The following FAM168A variants were observed in gnomAD, a reference collection of about 807,000 sequenced individuals.
FAM168A encodes family with sequence similarity 168 member A, also known as protein FAM168A.
FAM168A carries 3 observed loss-of-function variants against 28.5 expected under a neutral mutation model. The ratio of observed to expected loss-of-function variants is 0.11; its 90% confidence interval spans 0.05 to 0.27. The LOEUF is 0.27. FAM168A is among the 10% of genes least tolerant of loss of function. FAM168A has a pLI of 1.00. For missense variants in FAM168A, 222 were observed against 311.5 expected (o/e 0.71, Z 2.16); for synonymous variants, 122 against 124.2 (o/e 0.98, Z 0.12).
chr11:73,448,215 T>C (rs946320781), intron 2 of FAM168A, among the ~76,000 whole-genome samples: 7 of 151,786 alleles, frequency 4.6e-5, no homozygotes, highest in Admixed American at 4.6e-4. Context: ...GCCCAGCTAA[T>C]TTTTGTATTT....
intron 1 of FAM168A, among the ~76,000 whole-genome samples, chr11:73,534,362 C>T (rs1590838626): frequency 6.6e-6 from 1 of 151,902 alleles, no homozygotes; most frequent in Non-Finnish European, 1.5e-5. Context: ...CAGAAACTGG[C>T]AGTATCATGT....
chr11:73,483,450 T>C (rs1405244050), intron 1 of FAM168A, among the ~76,000 whole-genome samples: 2 of 152,220 alleles, frequency 1.3e-5, no homozygotes, highest in East Asian at 3.8e-4. Context: ...ATATAAAGAA[T>C]TGCTATGAAG....
At chr11:73,569,857 T>TAAATAAATAAATAAATAAACAAAC (rs1210704680) in intron 1 of FAM168A, among the ~76,000 whole-genome samples, 1 of 135,158 alleles carries the variant, frequency 7.4e-6, no homozygotes, top group Non-Finnish European at 1.5e-5. Flanking sequence ...AATAAATAAA[T>TAAATAAATAAATAAATAAACAAAC]AAACAAAATA....
chr11:73,496,922 C>T (rs1031457439), intron 1 of FAM168A, among the ~76,000 whole-genome samples: 1 of 151,768 alleles, frequency 6.6e-6, no homozygotes, highest in East Asian at 1.9e-4. Flanking sequence ...CACACGCACA[C>T]ACACACACAG....
chr11:73,495,659 C>T (rs571189208), intron 1 of FAM168A, among the ~76,000 whole-genome samples: 7 of 152,250 alleles, frequency 4.6e-5, no homozygotes, highest in Admixed American at 2.0e-4. Flanking sequence ...GACCAACAAG[C>T]GTATGAAGGT....
intron 2 of FAM168A, among the ~76,000 whole-genome samples, chr11:73,432,596 T>C (rs1483022330): frequency 6.6e-6 from 1 of 152,118 alleles, no homozygotes; most frequent in Non-Finnish European, 1.5e-5. Flanking sequence ...GAAATGTCTA[T>C]CCAAATCATT....
At chr11:73,423,239 C>T (rs542351669) in intron 3 of FAM168A, among the ~76,000 whole-genome samples, 26 of 152,250 alleles carry the variant, frequency 1.7e-4, no homozygotes, top group African/African-American at 5.1e-4. Flanking sequence ...AAGCTCTCAT[C>T]GTCTCTCATC....
At chr11:73,445,046 G>C (rs948327954) in intron 2 of FAM168A, among the ~76,000 whole-genome samples, 4 of 152,254 alleles carry the variant, frequency 2.6e-5, no homozygotes, top group Admixed American at 6.5e-5. Flanking sequence ...GATCACCTGA[G>C]GTCGGGAGTT....
At chr11:73,569,622 G>T (rs974503369) in intron 1 of FAM168A, among the ~76,000 whole-genome samples, 3 of 152,138 alleles carry the variant, frequency 2.0e-5, no homozygotes, top group African/African-American at 4.8e-5. Context: ...AGGAGTTCGA[G>T]ACCAGCCTGG....
At chr11:73,592,722 C>T (rs116269304) in intron 1 of FAM168A, among the ~76,000 whole-genome samples, 6,135 of 151,996 alleles carry the variant, frequency 0.04, 424 homozygotes, top group African/African-American at 0.14. Context: ...GGAGAAAGAA[C>T]AACAGAGGCC....
chr11:73,468,708 T>C (rs1415664568), intron 1 of FAM168A, among the ~76,000 whole-genome samples: 1 of 152,258 alleles, frequency 6.6e-6, no homozygotes, highest in Non-Finnish European at 1.5e-5. Context: ...GGAAGTAATA[T>C]AACTTGCCTA....
intron 1 of FAM168A, among the ~76,000 whole-genome samples, chr11:73,586,933 T>G (rs1944319400): frequency 6.6e-6 from 1 of 152,064 alleles, no homozygotes; most frequent in African/African-American, 2.4e-5. Context: ...AACTCTAAAG[T>G]TTTTTTATTC....
intron 1 of FAM168A, among the ~76,000 whole-genome samples, chr11:73,482,954 G>C (rs1229434266): frequency 6.6e-6 from 1 of 152,004 alleles, no homozygotes; most frequent in Non-Finnish European, 1.5e-5. Flanking sequence ...TGGCCAGGCT[G>C]GTCTCCAACT....
intron 1 of FAM168A, among the ~76,000 whole-genome samples, chr11:73,478,268 T>C (rs867839597): frequency 6.6e-6 from 1 of 152,188 alleles, no homozygotes; most frequent in East Asian, 1.9e-4. Context: ...AAATGTTAAA[T>C]ATCGACAATA....
At chr11:73,458,066 A>T (rs528049089) in intron 2 of FAM168A, among the ~76,000 whole-genome samples, 2 of 152,338 alleles carry the variant, frequency 1.3e-5, no homozygotes, top group African/African-American at 4.8e-5. Context: ...GTATAAACTA[A>T]TAATAATTTA....
Position 73,545,012 on chromosome 11 carries a change from A to ATAATATAT in FAM168A, c.-19+52910_-19+52911insATATATTA, listed in dbSNP as rs1565291937. 1.3e-4 allele frequency among the ~76,000 whole-genome samples: 11 copies of ATAATATAT among 82,222 alleles called. 1 individual carries two copies. Among genetic ancestry groups the ATAATATAT allele is most frequent in the African/African-American group, 9.8e-4 (11 of 11,226 alleles). The allele number at this position is 82,222 out of a possible 152,430, so 53.9% of individuals were successfully genotyped here. A position where few individuals can be genotyped will look rare whatever the true frequency, so the allele number is the denominator to read the frequency against. ...ATATATAGTATATATAATATACTAT[A>ATAATATAT]TATATAGTATATATAATATATATAT... On this transcript the variant is annotated intron_variant, in intron 1 of 7. Coordinates refer to ENST00000356467, the MANE Select transcript of FAM168A (RefSeq NM_015159.3).
intron 1 of FAM168A, among the ~76,000 whole-genome samples, chr11:73,556,593 G>A (rs1590852864): frequency 6.6e-6 from 1 of 151,958 alleles, no homozygotes; most frequent in South Asian, 2.1e-4. Context: ...TTTCAGATCT[G>A]TAAGATAAAG....
chr11:73,562,916 T>C (rs982141267), intron 1 of FAM168A, among the ~76,000 whole-genome samples: 3 of 152,118 alleles, frequency 2.0e-5, no homozygotes, highest in Non-Finnish European at 2.9e-5. Context: ...GCATATTTAG[T>C]AAGGCATCAA....
At chr11:73,448,446 T>C (rs1358506177) in intron 2 of FAM168A, among the ~76,000 whole-genome samples, 1 of 152,238 alleles carries the variant, frequency 6.6e-6, no homozygotes, top group East Asian at 1.9e-4. Flanking sequence ...ATTGTATAGA[T>C]GAGAAACCAA....
Sources: allele counts gnomAD v4.1 joint callset (sites outside exome capture counted in the v4.1 genomes callset), GRCh38; gene constraint gnomAD v4.1.1; transcripts MANE v1.5; gene names NCBI Gene and HGNC (gene_info 2026-07-23, HGNC 2026-07-21).